The following KCNQ3 variants were observed in gnomAD, a reference collection of about 807,000 sequenced individuals.
The protein encoded by KCNQ3 is potassium voltage-gated channel subfamily KQT member 3.
In KCNQ3, 30 loss-of-function variants were observed where a neutral mutation model predicts 92.5. The ratio of observed to expected loss-of-function variants is 0.32; its 90% confidence interval spans 0.24 to 0.44. The LOEUF (loss-of-function observed/expected upper bound fraction) is 0.44, where lower values mean the gene tolerates loss of function less well. Ranked by LOEUF, KCNQ3 falls within the 20% of genes least tolerant of loss-of-function variation. The probability of loss-of-function intolerance (pLI) is 1.00; values close to 1 mark genes in which losing one functional copy is unlikely to be tolerated. For synonymous variants in KCNQ3, 450 were observed against 468.8 expected, an observed-to-expected ratio of 0.96 and a Z score of 0.52; for missense variants, 913 against 1,140.3, an observed-to-expected ratio of 0.80 and a Z score of 2.87.
At chr8:132,281,936 C>T (rs903124245) in intron 1 of KCNQ3, among the ~76,000 whole-genome samples, 2 of 152,178 alleles carry the variant, frequency 1.3e-5, no homozygotes, top group Non-Finnish European at 2.9e-5. Context: ...ACCTCTCTTC[C>T]CTGGGTCTTC....
At chr8:132,295,552 T>C (rs541520455) in intron 1 of KCNQ3, among the ~76,000 whole-genome samples, 11 of 152,322 alleles carry the variant, frequency 7.2e-5, no homozygotes, top group African/African-American at 2.6e-4. Flanking sequence ...CAAAGGAATA[T>C]AAATCATTCT....
At position 132,124,449 on chromosome 8, in the gene KCNQ3, A is replaced by C; in HGVS notation, c.*4813T>G. ...TCTCACTTGAAAATCAAAACACGGC[A>C]GAAGAGTCAAATGCTTTTGAATGTG... is the stretch of plus-strand genomic sequence containing the variant. On this transcript the variant is annotated 3_prime_UTR_variant, in exon 15 of 15. Coordinates refer to ENST00000388996, the MANE Select transcript of KCNQ3 (RefSeq NM_004519.4). The C allele has an allele frequency of 6.6e-6, 1 of 152,342 alleles. No individual in the cohort carries two copies. The highest frequency in any genetic ancestry group is 2.4e-5 in the African/African-American group (1 of 41,582). 9.4% of individuals were successfully genotyped at this position (152,342 alleles called of 1,614,324 possible). A position where few individuals can be genotyped will look rare whatever the true frequency, so the allele number is the denominator to read the frequency against.
chr8:132,209,389 G>T (rs982960633), intron 1 of KCNQ3, among the ~76,000 whole-genome samples: 25 of 152,106 alleles, frequency 1.6e-4, no homozygotes, highest in Admixed American at 7.9e-4. Flanking sequence ...ATGGTGTCTT[G>T]CCCTCCTTAG....
chr8:132,228,204 T>C (rs2130362350), intron 1 of KCNQ3, among the ~76,000 whole-genome samples: 1 of 152,322 alleles, frequency 6.6e-6, no homozygotes, highest in Non-Finnish European at 1.5e-5. Flanking sequence ...CAGAAATAAG[T>C]CCATATGATT....
At chr8:132,334,853 C>T (rs904692529) in intron 1 of KCNQ3, among the ~76,000 whole-genome samples, 5 of 152,140 alleles carry the variant, frequency 3.3e-5, no homozygotes, top group African/African-American at 1.2e-4. Flanking sequence ...GACTTCAGAC[C>T]CCATCCTTTC....
intron 1 of KCNQ3, among the ~76,000 whole-genome samples, chr8:132,252,828 T>C (rs1324256971): frequency 6.6e-6 from 1 of 152,146 alleles, no homozygotes; most frequent in East Asian, 1.9e-4. Context: ...AGGTCCCCAC[T>C]CGACCCAGGA....
At chr8:132,270,503 C>T (rs899009889) in intron 1 of KCNQ3, among the ~76,000 whole-genome samples, 9 of 152,282 alleles carry the variant, frequency 5.9e-5, no homozygotes, top group East Asian at 1.9e-4. Context: ...ATCCTCTTTG[C>T]GCCTCAGTAC....
chr8:132,479,687 C>T (rs1822498325), intron 1 of KCNQ3, among the ~76,000 whole-genome samples: 1 of 149,080 alleles, frequency 6.7e-6, no homozygotes, highest in Non-Finnish European at 1.5e-5. Flanking sequence ...CGCACCCCTC[C>T]CATCCCCAAC....
At chr8:132,130,553 G>A (rs146370311) in intron 14 of KCNQ3, among the ~76,000 whole-genome samples, 27 of 152,292 alleles carry the variant, frequency 1.8e-4, no homozygotes, top group East Asian at 1.3e-3. Flanking sequence ...AAGCAAAGGC[G>A]GAAAGCAGAG....
rs1445843905 is a variant in KCNQ3 at position 132,129,187 on chromosome 8, A to G, written c.*75T>C. 38 of 1,551,940 alleles carry G rather than the reference A, an allele frequency of 2.4e-5. No homozygotes were observed. In the East Asian group the frequency reaches 8.6e-4, roughly 35 times the overall value. On this transcript the variant is annotated 3_prime_UTR_variant, in exon 15 of 15. Coordinates refer to ENST00000388996, the MANE Select transcript of KCNQ3 (RefSeq NM_004519.4). This position sits in a 1 kb window ranked among gnomAD's most constrained non-coding sequence, Gnocchi z 5.9. ...GCAGCCATTGGTGTCCCCGCTGGTA[A>G]GCGTCGGGTGTAAGAGTAAGTGAAC...
At chr8:132,233,655 C>T (rs560945634) in intron 1 of KCNQ3, among the ~76,000 whole-genome samples, 10 of 152,338 alleles carry the variant, frequency 6.6e-5, no homozygotes, top group South Asian at 2.1e-4. Context: ...CTGCTTTCTT[C>T]CATTCATCTC....
intron 1 of KCNQ3, among the ~76,000 whole-genome samples, chr8:132,288,551 G>T (rs1047213249): frequency 1.3e-5 from 2 of 151,986 alleles, no homozygotes; most frequent in Non-Finnish European, 2.9e-5. Flanking sequence ...CCCCCTCTCG[G>T]AGCTACAAAT....
intron 1 of KCNQ3, among the ~76,000 whole-genome samples, chr8:132,440,239 C>T (rs905208951): frequency 2.0e-5 from 3 of 152,206 alleles, no homozygotes; most frequent in African/African-American, 7.2e-5. Flanking sequence ...CTCTCCTTTA[C>T]TCATTCCAGT....
chr8:132,279,870 G>GTA (rs1554640113), intron 1 of KCNQ3, among the ~76,000 whole-genome samples: 23 of 152,018 alleles, frequency 1.5e-4, no homozygotes, highest in East Asian at 3.9e-4. Flanking sequence ...GTGTGTGTGT[G>GTA]TATATATATA....
chr8:132,226,590 A>G (rs1051499362), intron 1 of KCNQ3, among the ~76,000 whole-genome samples: 2 of 152,206 alleles, frequency 1.3e-5, no homozygotes, highest in African/African-American at 2.4e-5. Flanking sequence ...GTGTTCTTAA[A>G]AATAAACCTG....
chr8:132,207,917 A>AGAT (rs1308281533), intron 1 of KCNQ3, among the ~76,000 whole-genome samples: 1 of 145,720 alleles, frequency 6.9e-6, no homozygotes, highest in Non-Finnish European at 1.5e-5. Context: ...AAAATGAGAG[A>AGAT]GATTAAAAAA....
chr8:132,437,583 C>A (rs1281049191), intron 1 of KCNQ3, among the ~76,000 whole-genome samples: 2 of 152,180 alleles, frequency 1.3e-5, no homozygotes, highest in Admixed American at 1.3e-4. Flanking sequence ...TCTAATTTGC[C>A]ATACTCGTTT....
At chr8:132,371,700 C>A (rs1819477530) in intron 1 of KCNQ3, among the ~76,000 whole-genome samples, 1 of 152,296 alleles carries the variant, frequency 6.6e-6, no homozygotes, top group East Asian at 1.9e-4. Flanking sequence ...AAAACCAACA[C>A]CACTCTCCAC....
intron 1 of KCNQ3, among the ~76,000 whole-genome samples, chr8:132,410,916 C>T (rs1279453117): frequency 2.0e-5 from 3 of 152,218 alleles, no homozygotes; most frequent in Non-Finnish European, 4.4e-5. Context: ...CAGACCAGCA[C>T]ATCTCTGACC....
Sources: gnomAD v4.1 joint callset for allele counts (sites outside exome capture counted in the v4.1 genomes callset) on GRCh38, gnomAD v4.1.1 for gene constraint, Gnocchi (gnomAD v3.1) non-coding constraint, MANE v1.5 for transcripts, NCBI Gene and HGNC (gene_info 2026-07-23, HGNC 2026-07-21) for gene names.